CFAP299: variants seen among roughly 807,000 people sequenced by gnomAD.
CFAP299 encodes the protein cilia- and flagella-associated protein 299.
Under a neutral mutation model 27.0 loss-of-function variants are expected in CFAP299, and 21 were observed. The ratio of observed to expected loss-of-function variants is 0.78; its 90% CI spans 0.55 to 1.12. The LOEUF is 1.12. CFAP299 is among the 50% of genes most tolerant of loss of function. The pLI is 0.00. For synonymous variants in CFAP299, 104 were observed against 98.1 expected, an observed-to-expected ratio of 1.06 and a Z score of -0.36; for missense variants, 310 against 276.6, an observed-to-expected ratio of 1.12 and a Z score of -0.86.
intron 3 of CFAP299, among the ~76,000 whole-genome samples, chr4:80,753,171 A>G (rs1725031858): frequency 6.6e-6 from 1 of 151,866 alleles, no homozygotes; most frequent in Non-Finnish European, 1.5e-5. Context: ...TTGTTTAGTG[A>G]AAGTCTGCTG....
At chr4:80,350,671 A>T (rs1722970976) in intron 1 of CFAP299, among the ~76,000 whole-genome samples, 1 of 152,198 alleles carries the variant, frequency 6.6e-6, no homozygotes, top group Non-Finnish European at 1.5e-5. Context: ...TCCTCGGCAA[A>T]CTAACACAGG....
Position 80,481,243 on chromosome 4 carries a change from C to T in CFAP299, c.243-101850C>T, listed in dbSNP as rs890205464. On this transcript the variant is annotated intron_variant, in intron 2 of 5. Transcript: ENST00000358105. Reference sequence around the variant, plus strand: ...AGAATGCTATTGTGAAGTGAAGTTCCTAGTTGGTTGTTTCTGGAAATTTTT... The same window carrying T: ...AGAATGCTATTGTGAAGTGAAGTTCTTAGTTGGTTGTTTCTGGAAATTTTT... Among the ~76,000 whole-genome samples, 6 of 151,944 alleles carry T rather than the reference C, an allele frequency of 3.9e-5. No individual in the cohort carries two copies. The East Asian group carries it at 7.7e-4, about 20-fold the overall frequency.
chr4:80,530,622 A>G (rs554553197), intron 2 of CFAP299, among the ~76,000 whole-genome samples: 224 of 152,294 alleles, frequency 1.5e-3, no homozygotes, highest in Non-Finnish European at 4.3e-4. Flanking sequence ...TACTCTGTAG[A>G]GGGGAAGGAG....
chr4:80,378,344 G>A (rs1171039093), intron 2 of CFAP299, among the ~76,000 whole-genome samples: 3 of 152,024 alleles, frequency 2.0e-5, no homozygotes, highest in Non-Finnish European at 4.4e-5. Flanking sequence ...TTTGTATGCA[G>A]AAGATCATAA....
At chr4:80,548,857 T>G (rs1366918943) in intron 2 of CFAP299, among the ~76,000 whole-genome samples, 4 of 152,142 alleles carry the variant, frequency 2.6e-5, no homozygotes, top group Non-Finnish European at 5.9e-5. Flanking sequence ...CAGCCTGATT[T>G]AGAATGTTGG....
chr4:80,436,657 C>G (rs1216953434), intron 2 of CFAP299, among the ~76,000 whole-genome samples: 1 of 152,088 alleles, frequency 6.6e-6, no homozygotes. Flanking sequence ...TTTCTCCATA[C>G]TAAATTTTTT....
chr4:80,325,489 C>T, the CFAP299 span, among the ~76,000 whole-genome samples: 1 of 152,090 alleles, frequency 6.6e-6, no homozygotes, highest in Non-Finnish European at 1.5e-5. Context: ...CCATCTTATC[C>T]GTTTTTGCAT....
intron 3 of CFAP299, among the ~76,000 whole-genome samples, chr4:80,746,154 A>C (rs1724575379): frequency 6.6e-6 from 1 of 151,960 alleles, no homozygotes; most frequent in Admixed American, 6.6e-5. Context: ...CACTTATTAA[A>C]TTTTTGGACA....
At chr4:80,635,976 G>A (rs1236878572) in intron 3 of CFAP299, among the ~76,000 whole-genome samples, 1 of 152,138 alleles carries the variant, frequency 6.6e-6, no homozygotes, top group Non-Finnish European at 1.5e-5. Context: ...GAGACTTCAT[G>A]TAAGTTCACT....
At chr4:80,442,506 A>G (rs1213627133) in intron 2 of CFAP299, among the ~76,000 whole-genome samples, 1 of 152,236 alleles carries the variant, frequency 6.6e-6, no homozygotes, top group East Asian at 1.9e-4. Context: ...CTTTGAAACA[A>G]ATGAGAAAAA....
intron 3 of CFAP299, among the ~76,000 whole-genome samples, chr4:80,780,028 T>C (rs1479941340): frequency 5.9e-5 from 9 of 152,086 alleles, no homozygotes; most frequent in Non-Finnish European, 1.2e-4. Flanking sequence ...TGCTTTAGAC[T>C]CTGTCATATT....
chr4:80,564,047 C>T (rs753239339), intron 2 of CFAP299, among the ~76,000 whole-genome samples: 4 of 151,900 alleles, frequency 2.6e-5, no homozygotes, highest in Non-Finnish European at 5.9e-5. Context: ...TAAAAAATCT[C>T]CTAGTAAAGA....
intron 2 of CFAP299, among the ~76,000 whole-genome samples, chr4:80,484,854 A>G (rs1184088029): frequency 2.6e-5 from 4 of 152,274 alleles, no homozygotes; most frequent in South Asian, 2.1e-4. Context: ...TGTGTGTCCT[A>G]TGTGAACTAT....
chr4:80,715,080 T>C (rs1722402395), intron 3 of CFAP299, among the ~76,000 whole-genome samples: 1 of 152,096 alleles, frequency 6.6e-6, no homozygotes, highest in African/African-American at 2.4e-5. Flanking sequence ...TTCCAGGTAG[T>C]TCCCTGTCTT....
intron 3 of CFAP299, among the ~76,000 whole-genome samples, chr4:80,869,480 C>T (rs1233703984): frequency 2.6e-5 from 4 of 152,108 alleles, no homozygotes; most frequent in Admixed American, 6.5e-5. Flanking sequence ...TTGTTCTTTT[C>T]GTTTTTCAAC....
intron 4 of CFAP299, among the ~76,000 whole-genome samples, chr4:80,922,346 C>T (rs916110964): frequency 7.9e-5 from 12 of 151,916 alleles, no homozygotes; most frequent in African/African-American, 2.9e-4. Flanking sequence ...CTAAAACATA[C>T]AAAGGTAAGA....
intron 3 of CFAP299, among the ~76,000 whole-genome samples, chr4:80,864,779 A>G (rs1021522458): frequency 2.0e-5 from 3 of 152,016 alleles, no homozygotes; most frequent in African/African-American, 7.2e-5. Context: ...ATTAATGACA[A>G]AAGTTTTCAA....
At chr4:80,335,639 G>C (rs1459992378), upstream of CFAP299, 3 of 681,584 alleles carry the variant, frequency 4.4e-6, no homozygotes, top group East Asian at 8.2e-5. Context: ...GCAACAAACC[G>C]CCGGGGGGTG....
At chr4:80,428,900 T>A (rs1440527762) in intron 2 of CFAP299, among the ~76,000 whole-genome samples, 2 of 152,202 alleles carry the variant, frequency 1.3e-5, no homozygotes, top group Admixed American at 1.3e-4. Context: ...CCAGAATTAT[T>A]GACACTCTGT....
Sources: gnomAD v4.1 joint callset for allele counts (sites outside exome capture counted in the v4.1 genomes callset) on GRCh38, gnomAD v4.1.1 for gene constraint, MANE v1.5 for transcripts, NCBI Gene and HGNC (gene_info 2026-07-23, HGNC 2026-07-21) for gene names.